LARGE1: variants seen among roughly 807,000 people sequenced by gnomAD.
LARGE1 encodes the protein LARGE xylosyl- and glucuronyltransferase 1, also known as xylosyl- and glucuronyltransferase LARGE1.
Under a neutral mutation model 87.6 loss-of-function variants are expected in LARGE1, and 43 were observed. The ratio of observed to expected loss-of-function variants is 0.49; its 90% CI spans 0.38 to 0.63. The LOEUF is 0.63. Ranked by LOEUF, LARGE1 falls within the 30% of genes least tolerant of loss-of-function variation. The pLI is 0.00. For missense variants in LARGE1, 802 were observed against 1,000.2 expected, an observed-to-expected ratio of 0.80 and a Z score of 2.67; for synonymous variants, 434 against 394.6, an observed-to-expected ratio of 1.10 and a Z score of -1.18.
intron 5 of LARGE1, among the ~76,000 whole-genome samples, chr22:33,575,324 C>A (rs976922479): frequency 1.3e-5 from 2 of 152,168 alleles, no homozygotes; most frequent in African/African-American, 2.4e-5. Flanking sequence ...GGAGAGAAGA[C>A]CTTTCTCAAA....
chr22:33,749,432 G>C (rs1001286632), intron 2 of LARGE1, among the ~76,000 whole-genome samples: 9 of 152,136 alleles, frequency 5.9e-5, no homozygotes, highest in Non-Finnish European at 4.4e-5. Context: ...CCTTTTTATG[G>C]AGAAGAAACT....
At position 33,821,339 on chromosome 22, in the gene LARGE1, C is replaced by CA. The variant is rs888125731; in HGVS notation, c.-82-59782dup. 1.2e-4 allele frequency among the ~76,000 whole-genome samples: 18 copies of CA among 149,360 alleles called. 1 individual carries two copies. The highest frequency in any genetic ancestry group is 2.0e-4 in the East Asian group (1 of 5,096). ...GTAGGGTCAAAGGAGATGGTGCAGCCAAAAAAAAAGCTTGGAACAGTGCCT... is the reference window on the plus strand; with the variant it reads ...GTAGGGTCAAAGGAGATGGTGCAGCCAAAAAAAAAAGCTTGGAACAGTGCCT... On this transcript the variant is annotated intron_variant, in intron 1 of 14. Transcript: ENST00000397394.
At chr22:33,664,784 A>G (rs2081220133) in intron 2 of LARGE1, among the ~76,000 whole-genome samples, 1 of 152,170 alleles carries the variant, frequency 6.6e-6, no homozygotes, top group African/African-American at 2.4e-5. Flanking sequence ...GAAACGCTTG[A>G]ACCCAAGAGG....
intron 7 of LARGE1, among the ~76,000 whole-genome samples, chr22:33,414,345 T>G (rs1301465695): frequency 6.6e-6 from 1 of 151,984 alleles, no homozygotes; most frequent in African/African-American, 2.4e-5. Context: ...TAGGTAAAAG[T>G]TTCTGTTATA....
At chr22:33,665,012 T>C (rs910649166) in intron 2 of LARGE1, among the ~76,000 whole-genome samples, 1 of 152,226 alleles carries the variant, frequency 6.6e-6, no homozygotes, top group Non-Finnish European at 1.5e-5. Context: ...GCACCAGCCA[T>C]GCCGGCCTGG....
chr22:33,754,517 T>C (rs943315720), intron 2 of LARGE1, among the ~76,000 whole-genome samples: 2 of 151,926 alleles, frequency 1.3e-5, no homozygotes, highest in African/African-American at 4.8e-5. Flanking sequence ...TTTGTATTTT[T>C]AGTAGAGACG....
At chr22:33,400,977 G>C (rs1391282138) in intron 7 of LARGE1, among the ~76,000 whole-genome samples, 1 of 152,028 alleles carries the variant, frequency 6.6e-6, no homozygotes. Context: ...TGTGCCCTGG[G>C]ATCACCTGGC....
intron 7 of LARGE1, among the ~76,000 whole-genome samples, chr22:33,412,130 A>C (rs977747131): frequency 3.3e-5 from 5 of 152,140 alleles, no homozygotes; most frequent in Admixed American, 6.5e-5. Context: ...CTAAAAGTAC[A>C]AAAATTAGCC....
intron 1 of LARGE1, among the ~76,000 whole-genome samples, chr22:33,777,029 T>C (rs1369329863): frequency 6.6e-6 from 1 of 151,798 alleles, no homozygotes; most frequent in East Asian, 1.9e-4. Flanking sequence ...ACCACAAACA[T>C]GAACATAAGT....
In LARGE1 at chr22:33,283,344, A is replaced by G. The variant is rs1017891271; in HGVS notation, c.1735T>C (p.Ser579Pro). ...MYGLYEYLRK[S>P]VIQLDLANTK... is the part of the protein sequence containing the mutation. The stretch of plus-strand genomic sequence containing the variant: ...TTGGCAAGATCGAGCTGGATGACAG[A>G]CTTCCTGAAAAGAGGGGACAGGCAG... The change falls in exon 13 of 15, where the codon TCT (serine) becomes CCT (proline). Residue 579 changes from serine (S) to proline (P), a missense_variant. Ser to Pro is a moderately conservative substitution (Grantham distance 74). Coordinates refer to ENST00000397394, the MANE Select transcript of LARGE1 (RefSeq NM_133642.5). 6.2e-7 allele frequency: 1 copy of G among 1,614,022 alleles called. No homozygotes were observed. Among genetic ancestry groups the G allele is most frequent in the Non-Finnish European group, 8.5e-7 (1 of 1,180,038 alleles).
intron 9 of LARGE1, among the ~76,000 whole-genome samples, chr22:33,364,939 A>C (rs368101617): frequency 0.012 from 1,886 of 151,882 alleles, 41 homozygotes; most frequent in African/African-American, 0.044. Flanking sequence ...CAAGCAATCC[A>C]CCTGCCTCAG....
At chr22:33,307,910 T>C (rs1054946238) in intron 11 of LARGE1, among the ~76,000 whole-genome samples, 3 of 152,086 alleles carry the variant, frequency 2.0e-5, no homozygotes, top group African/African-American at 7.2e-5. Context: ...CGTGCAGTTC[T>C]TGCTGATGCC....
At chr22:33,140,366 C>T in the LARGE1 span, among the ~76,000 whole-genome samples, 1 of 152,218 alleles carries the variant, frequency 6.6e-6, no homozygotes, top group Admixed American at 6.5e-5. Context: ...TCAAGTGCTA[C>T]AGTCTCTTGT....
chr22:33,343,247 T>G (rs1939362122), intron 9 of LARGE1, among the ~76,000 whole-genome samples: 1 of 152,006 alleles, frequency 6.6e-6, no homozygotes, highest in African/African-American at 2.4e-5. Flanking sequence ...TTCCCCTGAG[T>G]GGCTGGGACT....
the LARGE1 span, among the ~76,000 whole-genome samples, chr22:33,101,962 A>G: frequency 1.3e-5 from 2 of 152,174 alleles, no homozygotes; most frequent in East Asian, 1.9e-4. Context: ...ATTCCTTTCA[A>G]TTTCCTTTCT....
intron 12 of LARGE1, among the ~76,000 whole-genome samples, chr22:33,289,173 T>C (rs572545213): frequency 2.0e-5 from 3 of 152,268 alleles, no homozygotes; most frequent in African/African-American, 7.2e-5. Flanking sequence ...TTAGCCAGGA[T>C]GGTCTCGATC....
At chr22:33,892,810 A>G (rs547255470) in intron 1 of LARGE1, among the ~76,000 whole-genome samples, 1 of 152,366 alleles carries the variant, frequency 6.6e-6, no homozygotes, top group East Asian at 1.9e-4. Context: ...AAAAATGTGT[A>G]TGTTCACAGT....
intron 2 of LARGE1, among the ~76,000 whole-genome samples, chr22:33,687,025 G>A (rs1254865153): frequency 3.3e-5 from 5 of 151,924 alleles, no homozygotes; most frequent in East Asian, 1.9e-4. Context: ...TCTCTTCCTC[G>A]TTGCTGTCCC....
At chr22:33,093,473 A>C in the LARGE1 span, among the ~76,000 whole-genome samples, 4 of 152,172 alleles carry the variant, frequency 2.6e-5, no homozygotes, top group Admixed American at 2.6e-4. Flanking sequence ...AATGTAGGTA[A>C]TTTTGAGGGG....
Sources: allele counts gnomAD v4.1 joint callset (sites outside exome capture counted in the v4.1 genomes callset), GRCh38; gene constraint gnomAD v4.1.1; transcripts MANE v1.5; gene names NCBI Gene and HGNC (gene_info 2026-07-23, HGNC 2026-07-21).